SLC37A3: variants seen among roughly 807,000 people sequenced by gnomAD.
The protein encoded by SLC37A3 is solute carrier family 37 member 3.
A neutral mutation model predicts 67.1 loss-of-function variants in SLC37A3; 51 were observed. The observed-to-expected ratio is 0.76, with a 90% CI of 0.61 to 0.96. The LOEUF (loss-of-function observed/expected upper bound fraction) is 0.96, where lower values mean the gene tolerates loss of function less well. Among genes scored for constraint, SLC37A3 ranks in the 40% least tolerant of loss-of-function variants. The pLI, the probability that SLC37A3 is intolerant of heterozygous loss-of-function variation, is 0.00. For synonymous variants in SLC37A3, 214 were observed against 231.4 expected (o/e 0.92, Z 0.68); for missense variants, 508 against 603.0 (o/e 0.84, Z 1.65).
At chr7:140,382,642 G>T (rs2129823592) in intron 1 of SLC37A3, 46 bp from the exon 2 acceptor site, 3 of 850,386 alleles carry the variant, frequency 3.5e-6, no homozygotes, top group African/African-American at 1.7e-5. Context: ...CATAGGCAGA[G>T]TATCCAAAAA....
intron 3 of SLC37A3, among the ~76,000 whole-genome samples, chr7:140,371,257 C>T (rs1326395714): frequency 6.6e-6 from 1 of 152,206 alleles, no homozygotes; most frequent in Non-Finnish European, 1.5e-5. Flanking sequence ...CTCACTGCAA[C>T]CCCCACCTCC....
At chr7:140,368,545 C>T (rs1022432772) in intron 4 of SLC37A3, among the ~76,000 whole-genome samples, 2 of 151,824 alleles carry the variant, frequency 1.3e-5, no homozygotes, top group Non-Finnish European at 2.9e-5. Context: ...CCAGCCTGGG[C>T]GACAAGTGCA....
At chr7:140,396,474 TA>T (rs1798931336) in intron 1 of SLC37A3, among the ~76,000 whole-genome samples, 1 of 152,212 alleles carries the variant, frequency 6.6e-6, no homozygotes, top group African/African-American at 2.4e-5. Context: ...ACTTGGCATT[TA>T]TCTGTAAATA....
chr7:140,352,790 T>C (rs1458460064), intron 7 of SLC37A3, among the ~76,000 whole-genome samples: 1 of 152,060 alleles, frequency 6.6e-6, no homozygotes, highest in Non-Finnish European at 1.5e-5. Flanking sequence ...AGAAAACTGA[T>C]TTGGAAAGGT....
chr7:140,390,302 A>C (rs1253090035), intron 1 of SLC37A3, among the ~76,000 whole-genome samples: 1 of 151,986 alleles, frequency 6.6e-6, no homozygotes, highest in Non-Finnish European at 1.5e-5. Flanking sequence ...GGAAACAGAG[A>C]TACACGGTTA....
chr7:140,346,798 G>C (rs907443992), intron 10 of SLC37A3, among the ~76,000 whole-genome samples: 1 of 152,186 alleles, frequency 6.6e-6, no homozygotes, highest in East Asian at 1.9e-4. Flanking sequence ...GGAGGCTGAG[G>C]TAGGAGGATG....
chr7:140,335,563 T>A, intron 14 of SLC37A3, 59 bp from the exon 15 acceptor site: 1 of 1,570,350 alleles, frequency 6.4e-7, no homozygotes, highest in Non-Finnish European at 8.7e-7. Flanking sequence ...TAGAGTGTCA[T>A]GTTTTGAACA....
intron 13 of SLC37A3, among the ~76,000 whole-genome samples, chr7:140,338,169 C>T (rs1337877347): frequency 6.6e-6 from 1 of 152,120 alleles, no homozygotes. Context: ...GGATTACAGG[C>T]GTACTGCGCC....
intron 5 of SLC37A3, among the ~76,000 whole-genome samples, chr7:140,360,852 C>T (rs1797238838): frequency 6.6e-6 from 1 of 151,968 alleles, no homozygotes; most frequent in Admixed American, 6.6e-5. Context: ...CTAATATGCC[C>T]ATCTCCCTCT....
At chr7:140,354,742 T>TG (rs930242849) in intron 7 of SLC37A3, among the ~76,000 whole-genome samples, 10 of 109,290 alleles carry the variant, frequency 9.1e-5, no homozygotes, top group African/African-American at 3.6e-4. Context: ...TTTTTGGTGT[T>TG]TTTTTTTTTT....
At chr7:140,393,722 C>T (rs1426686854) in intron 1 of SLC37A3, among the ~76,000 whole-genome samples, 1 of 152,146 alleles carries the variant, frequency 6.6e-6, no homozygotes, top group Non-Finnish European at 1.5e-5. Flanking sequence ...TCTCTTTCGC[C>T]ATTTCTTTCC....
chr7:140,354,872 T>G (rs117404354), intron 7 of SLC37A3, among the ~76,000 whole-genome samples: 5,441 of 151,734 alleles, frequency 0.036, 133 homozygotes, highest in South Asian at 0.062. Flanking sequence ...GCCTCCTGAA[T>G]AGCAGAGACT....
At chr7:140,362,363 C>G (rs1422240370) in intron 5 of SLC37A3, among the ~76,000 whole-genome samples, 1 of 145,546 alleles carries the variant, frequency 6.9e-6, no homozygotes, top group Non-Finnish European at 1.5e-5. Context: ...GCAGCCACCC[C>G]GTCTGGGAAG....
chr7:140,334,862 A>C lies in SLC37A3; in HGVS notation c.*550T>G, dbSNP rs985835860. On this transcript the variant is annotated 3_prime_UTR_variant, in exon 15 of 15. Transcript: ENST00000326232. The stretch of plus-strand genomic sequence containing the variant: ...CATGTAGTGTGATCTTTCCCACCAC[A>C]GTGAACAGAGGGATTCTTTGTCCAA... The C allele has an allele frequency of 8.4e-6, 2 of 238,728 alleles. No individual in the cohort carries two copies. Among genetic ancestry groups the C allele is most frequent in the African/African-American group, 4.5e-5 (2 of 44,536 alleles). 14.8% of individuals were successfully genotyped at this position (238,728 alleles called of 1,614,324 possible). A position where few individuals can be genotyped will look rare whatever the true frequency, so the allele number is the denominator to read the frequency against.
chr7:140,372,770 G>A (rs1797870988), intron 3 of SLC37A3, among the ~76,000 whole-genome samples: 1 of 151,718 alleles, frequency 6.6e-6, no homozygotes, highest in Non-Finnish European at 1.5e-5. Flanking sequence ...AGCTGAGGCA[G>A]TAGAATTGCT....
intron 4 of SLC37A3, among the ~76,000 whole-genome samples, chr7:140,365,815 T>C (rs1192863698): frequency 6.6e-6 from 1 of 151,238 alleles, no homozygotes; most frequent in Non-Finnish European, 1.5e-5. Context: ...AGCCTTAAAG[T>C]AGATTCTATG....
At chr7:140,367,204 C>T (rs368098759) in intron 4 of SLC37A3, among the ~76,000 whole-genome samples, 4 of 149,922 alleles carry the variant, frequency 2.7e-5, no homozygotes, top group African/African-American at 9.8e-5. Context: ...TGGAAGGCAG[C>T]GGTAAGTGGA....
intron 1 of SLC37A3, among the ~76,000 whole-genome samples, chr7:140,389,586 A>C (rs1406997472): frequency 6.6e-6 from 1 of 152,114 alleles, no homozygotes; most frequent in Non-Finnish European, 1.5e-5. Context: ...TGTGAGAACC[A>C]CTGTTTTGCC....
At chr7:140,352,508 A>C (rs1796856547) in intron 7 of SLC37A3, among the ~76,000 whole-genome samples, 1 of 152,178 alleles carries the variant, frequency 6.6e-6, no homozygotes. Flanking sequence ...CATACAGTTG[A>C]GGGGATTAAA....
Sources: gnomAD v4.1 joint callset for allele counts (sites outside exome capture counted in the v4.1 genomes callset) on GRCh38, gnomAD v4.1.1 for gene constraint, MANE v1.5 for transcripts, NCBI Gene and HGNC (gene_info 2026-07-23, HGNC 2026-07-21) for gene names.